Variants in MEGF11 observed in about 807,000 individuals in gnomAD.
MEGF11 encodes multiple epidermal growth factor-like domains protein 11.
Under a neutral mutation model 146.6 loss-of-function variants are expected in MEGF11, and 126 were observed. The ratio of observed to expected loss-of-function variants is 0.86; its 90% confidence interval spans 0.74 to 1.00. MEGF11 has a LOEUF of 1.00. Among genes scored for constraint, MEGF11 ranks in the 50% least tolerant of loss-of-function variants. MEGF11 has a pLI of 0.00. For synonymous variants in MEGF11, 532 were observed against 583.4 expected (o/e 0.91, Z 1.27); for missense variants, 1,509 against 1,521.2 (o/e 0.99, Z 0.13).
chr15:66,196,220 C>T (rs547788177), intron 1 of MEGF11, among the ~76,000 whole-genome samples: 9 of 152,232 alleles, frequency 5.9e-5, no homozygotes, highest in Non-Finnish European at 8.8e-5. Context: ...GCCTATAATC[C>T]CAGCACTTCA....
intron 4 of MEGF11, among the ~76,000 whole-genome samples, chr15:66,113,968 T>C (rs1325195304): frequency 1.3e-5 from 2 of 152,026 alleles, no homozygotes; most frequent in African/African-American, 2.4e-5. Context: ...TTGTTAGAAA[T>C]GCAAATTCTT....
At chr15:65,998,879 T>C (rs2082277337) in intron 5 of MEGF11, among the ~76,000 whole-genome samples, 1 of 152,112 alleles carries the variant, frequency 6.6e-6, no homozygotes, top group Admixed American at 6.5e-5. Context: ...CATCTACATT[T>C]TCTGCTGCTG....
intron 5 of MEGF11, among the ~76,000 whole-genome samples, chr15:66,035,451 A>T (rs542409862): frequency 6.6e-6 from 1 of 152,034 alleles, no homozygotes; most frequent in Non-Finnish European, 1.5e-5. Context: ...ACACATTCCC[A>T]TCTCCGTGCC....
intron 5 of MEGF11, among the ~76,000 whole-genome samples, chr15:66,043,123 C>T (rs1479508911): frequency 6.6e-6 from 1 of 152,212 alleles, no homozygotes; most frequent in Non-Finnish European, 1.5e-5. Flanking sequence ...TCTTCTAGAG[C>T]TTTCCTTGTC....
intron 10 of MEGF11, among the ~76,000 whole-genome samples, chr15:65,932,892 C>T (rs941686644): frequency 6.6e-6 from 1 of 152,118 alleles, no homozygotes; most frequent in Non-Finnish European, 1.5e-5. Flanking sequence ...GAGACCAGAG[C>T]TTGTCTGGGC....
intron 1 of MEGF11, among the ~76,000 whole-genome samples, chr15:66,182,739 G>A (rs1417872052): frequency 2.0e-5 from 3 of 152,190 alleles, no homozygotes; most frequent in Non-Finnish European, 4.4e-5. Flanking sequence ...CAGTTTGCAG[G>A]CCTGCAAGTC....
chr15:65,903,713 GTT>G (rs2078550945), intron 24 of MEGF11, among the ~76,000 whole-genome samples: 1 of 152,238 alleles, frequency 6.6e-6, no homozygotes, highest in African/African-American at 2.4e-5. Context: ...TGGCCCAGTA[GTT>G]TTAGGAACTA....
At chr15:66,054,710 A>G (rs1000787538) in intron 5 of MEGF11, among the ~76,000 whole-genome samples, 1 of 152,188 alleles carries the variant, frequency 6.6e-6, no homozygotes, top group Non-Finnish European at 1.5e-5. Context: ...TCTACTATAT[A>G]AAGTCTTCAT....
intron 23 of MEGF11, 114 bp from the exon 24 acceptor site, chr15:65,906,255 TAA>T: frequency 2.9e-6 from 2 of 701,426 alleles, no homozygotes; most frequent in Non-Finnish European, 4.8e-6. Flanking sequence ...ACCCAGAAAA[TAA>T]ATAGTTGTTT....
At chr15:65,943,788 T>C (rs559600092) in intron 10 of MEGF11, among the ~76,000 whole-genome samples, 1 of 152,152 alleles carries the variant, frequency 6.6e-6, no homozygotes, top group Non-Finnish European at 1.5e-5. Flanking sequence ...GATTTGATCA[T>C]AGTGGCTTTG....
chr15:65,955,789 T>G (rs1161299110), intron 10 of MEGF11, among the ~76,000 whole-genome samples: 1 of 6,364 alleles, frequency 1.6e-4, no homozygotes, highest in Non-Finnish European at 8.6e-4. Context: ...TATATATATA[T>G]ATATACACAC....
At chr15:65,939,443 A>G (rs2079901887) in intron 10 of MEGF11, among the ~76,000 whole-genome samples, 1 of 151,932 alleles carries the variant, frequency 6.6e-6, no homozygotes, top group Admixed American at 6.6e-5. Context: ...GGGTCTTGCT[A>G]ACCATTACAC....
chr15:66,093,839 G>T (rs1490305308), intron 5 of MEGF11, among the ~76,000 whole-genome samples: 1 of 152,098 alleles, frequency 6.6e-6, no homozygotes, highest in South Asian at 2.1e-4. Flanking sequence ...CTCACCCCAG[G>T]CTCAGTAGGA....
At chr15:65,992,362 A>G (rs2082069165) in intron 5 of MEGF11, among the ~76,000 whole-genome samples, 1 of 147,948 alleles carries the variant, frequency 6.8e-6, no homozygotes, top group Non-Finnish European at 1.5e-5. Flanking sequence ...CCTGCTTGGC[A>G]CTGCACCATT....
Position 66,016,121 on chromosome 15 carries a change from T to TA in MEGF11, c.395-33634dup, listed in dbSNP as rs543904294. On this transcript the variant is annotated intron_variant, in intron 5 of 25. Coordinates refer to ENST00000395614, the MANE Select transcript of MEGF11 (RefSeq NM_001385028.1). ...ATCTTTTCCTTCTATTTAACTAATT[T>TA]AAAAAAAACCCACTCGGCTTCAGTA... 2.8e-3 allele frequency among the ~76,000 whole-genome samples: 420 copies of TA among 151,988 alleles called. 2 individuals carry two copies. The highest frequency in any genetic ancestry group is 5.2e-3 in the Non-Finnish European group (354 of 67,972).
intron 2 of MEGF11, among the ~76,000 whole-genome samples, chr15:66,124,294 G>T (rs1449046126): frequency 6.6e-6 from 1 of 152,212 alleles, no homozygotes; most frequent in Non-Finnish European, 1.5e-5. Context: ...GCGGGGGGTA[G>T]TTTTATTCTG....
chr15:65,898,553 TC>T, intron 25 of MEGF11, 174 bp downstream of exon 25: 2 of 985,412 alleles, frequency 2.0e-6, no homozygotes, highest in Non-Finnish European at 2.4e-6. Context: ...TAATTTGACT[TC>T]CTGCATTAGC....
At position 65,993,920 on chromosome 15, in the gene MEGF11, T is replaced by C. The variant is rs1485779969; in HGVS notation, c.395-11432A>G. Among the ~76,000 whole-genome samples the C allele has an allele frequency of 2.6e-5, 4 of 152,166 alleles. No homozygotes were observed. The South Asian group carries it at 6.2e-4, about 24-fold the overall frequency. On this transcript the variant is annotated intron_variant, in intron 5 of 25. Coordinates refer to ENST00000395614, the MANE Select transcript of MEGF11 (RefSeq NM_001385028.1). ...AAGGCACCACCCTTCCAGACGTCAG[T>C]GTCCCCCTTGGCAAAAAACAGGATC...
intron 4 of MEGF11, among the ~76,000 whole-genome samples, chr15:66,115,195 C>T (rs917903576): frequency 6.6e-6 from 1 of 152,210 alleles, no homozygotes; most frequent in Non-Finnish European, 1.5e-5. Flanking sequence ...CTCTTGGCAT[C>T]CGATGGGTTC....
Sources: gnomAD v4.1 joint callset for allele counts (sites outside exome capture counted in the v4.1 genomes callset) on GRCh38, gnomAD v4.1.1 for gene constraint, MANE v1.5 for transcripts, NCBI Gene and HGNC (gene_info 2026-07-23, HGNC 2026-07-21) for gene names.